FBRSL1: variants seen among roughly 807,000 people sequenced by gnomAD.
The protein encoded by FBRSL1 is fibrosin-1-like protein.
Under a neutral mutation model 89.6 loss-of-function variants are expected in FBRSL1, and 51 were observed. The observed-to-expected ratio is 0.57, with a 90% CI of 0.45 to 0.72. The LOEUF (loss-of-function observed/expected upper bound fraction) is 0.72. FBRSL1 is among the 30% of genes least tolerant of loss of function. The probability of loss-of-function intolerance (pLI) is 0.00; values close to 1 mark genes in which losing one functional copy is unlikely to be tolerated. For synonymous variants in FBRSL1, 779 were observed against 681.1 expected (o/e 1.14, Z -2.24); for missense variants, 1,618 against 1,451.8 (o/e 1.11, Z -1.86).
At chr12:132,540,340 T>C (rs1431066951) in intron 4 of FBRSL1, among the ~76,000 whole-genome samples, 25 of 14,442 alleles carry the variant, frequency 1.7e-3, no homozygotes, top group Non-Finnish European at 2.9e-3. Context: ...CCCCCAGCCC[T>C]CTCTCAGTTG....
intron 4 of FBRSL1, among the ~76,000 whole-genome samples, chr12:132,531,450 G>A (rs117950585): frequency 0.016 from 2,474 of 152,246 alleles, 36 homozygotes; most frequent in South Asian, 0.027. Context: ...TGTCCTGTGT[G>A]CAGCTCGTGT....
At chr12:132,519,714 G>T (rs562747171) in intron 2 of FBRSL1, among the ~76,000 whole-genome samples, 9 of 152,204 alleles carry the variant, frequency 5.9e-5, no homozygotes, top group Non-Finnish European at 1.3e-4. Flanking sequence ...TTCAAGACCA[G>T]TCTGGCCAAG....
At chr12:132,494,918 T>A (rs1045220233) in intron 1 of FBRSL1, among the ~76,000 whole-genome samples, 5 of 152,220 alleles carry the variant, frequency 3.3e-5, no homozygotes, top group Non-Finnish European at 7.3e-5. Flanking sequence ...CCCAAAATGC[T>A]GCTGAACCTG....
In FBRSL1 at chr12:132,569,842, G is replaced by A. The variant is rs912403794; in HGVS notation, c.692-84G>A. 70 of 1,077,040 alleles carry A rather than the reference G, an allele frequency of 6.5e-5. 1 individual carries two copies. The South Asian group carries it at 1.3e-3, about 20-fold the overall frequency. 66.7% of individuals were successfully genotyped at this position (1,077,040 alleles called of 1,614,324 possible). On this transcript the variant is annotated intron_variant, in intron 6 of 18. Coordinates refer to ENST00000680143, the MANE Select transcript of FBRSL1 (RefSeq NM_001367871.1). Reference sequence around the variant, plus strand: ...GGAGCCCAGACATAGCCTGGGCACCGGGCACGTACCAGGGCTCCCTGGGCC... The same window carrying A: ...GGAGCCCAGACATAGCCTGGGCACCAGGCACGTACCAGGGCTCCCTGGGCC...
chr12:132,531,867 G>T (rs1340522935), intron 4 of FBRSL1, among the ~76,000 whole-genome samples: 1 of 152,186 alleles, frequency 6.6e-6, no homozygotes, highest in Non-Finnish European at 1.5e-5. Flanking sequence ...GTGTAATTTT[G>T]TCCACATTGG....
chr12:132,523,157 C>T (rs573385469), intron 2 of FBRSL1, among the ~76,000 whole-genome samples: 3 of 152,184 alleles, frequency 2.0e-5, no homozygotes, highest in South Asian at 4.1e-4. Context: ...CCTCCAGCTC[C>T]TGCTGGGAGT....
At position 132,499,086 on chromosome 12, in the gene FBRSL1, T is replaced by C. The variant is rs1409349543; in HGVS notation, c.291+8225T>C. Reference sequence around the variant, plus strand: ...TCTGCAAGGCCTCCAGGAGCTTGGGTGGCCAGACTGGTCCCTGGGACTGGT... The same window carrying C: ...TCTGCAAGGCCTCCAGGAGCTTGGGCGGCCAGACTGGTCCCTGGGACTGGT... On this transcript the variant is annotated intron_variant, in intron 1 of 18. Coordinates refer to ENST00000680143, the MANE Select transcript of FBRSL1 (RefSeq NM_001367871.1). This position sits in a 1 kb window ranked among gnomAD's most constrained non-coding sequence, Gnocchi z 4.3. Among the ~76,000 whole-genome samples, 1 of 152,238 alleles carries C rather than the reference T, an allele frequency of 6.6e-6. No individual in the cohort carries two copies. Among genetic ancestry groups the C allele is most frequent in the East Asian group, 1.9e-4 (1 of 5,202 alleles).
chr12:132,571,984 C>T (rs975918159), intron 9 of FBRSL1: 18 of 484,260 alleles, frequency 3.7e-5, no homozygotes, highest in Admixed American at 7.6e-5. Context: ...GTGTCCCCAG[C>T]GCGACCCAGC....
At chr12:132,575,237 T>C (rs982234680) in intron 14 of FBRSL1, among the ~76,000 whole-genome samples, 5 of 151,792 alleles carry the variant, frequency 3.3e-5, no homozygotes, top group African/African-American at 1.2e-4. Context: ...TATGTCTTTC[T>C]TTTTTTTTGA....
chr12:132,507,233 G>A (rs1758864522), intron 1 of FBRSL1: 1 of 985,392 alleles, frequency 1.0e-6, no homozygotes, highest in Non-Finnish European at 1.2e-6. Context: ...GGGCTTCACT[G>A]CTGCTGTTTT....
chr12:132,582,990 C>G lies in FBRSL1; in HGVS notation c.2221C>G (p.Arg741Gly). 1 of 1,446,874 alleles carries G rather than the reference C, an allele frequency of 6.9e-7. No homozygotes were observed. The highest frequency in any genetic ancestry group is 9.0e-7 in the Non-Finnish European group (1 of 1,107,738). The allele number at this position is 1,446,874 out of a possible 1,614,324, so 89.6% of individuals were successfully genotyped here. A position where few individuals can be genotyped will look rare whatever the true frequency, so the allele number is the denominator to read the frequency against. ...EQERDLLEKT[R>G]LLSRASPATP... is the part of the protein sequence containing the mutation. ...CCCCAGGGACCTCCTGGAGAAGACG[C>G]GCCTGCTGAGCCGGGCCTCGCCCGC... The change falls in exon 19 of 19, where the codon CGC becomes GGC. Residue 741 changes from arginine to glycine, a missense_variant. By Grantham distance (125) the Arg-to-Gly change is moderately radical. Coordinates refer to ENST00000680143, the MANE Select transcript of FBRSL1 (RefSeq NM_001367871.1).
chr12:132,531,545 G>A (rs2036279914), intron 4 of FBRSL1, among the ~76,000 whole-genome samples: 1 of 134,730 alleles, frequency 7.4e-6, no homozygotes, highest in Non-Finnish European at 1.7e-5. Flanking sequence ...GGGCCTCTGT[G>A]TGTGCGTGTG....
intron 18 of FBRSL1, among the ~76,000 whole-genome samples, chr12:132,582,616 C>T (rs919375359): frequency 4.6e-5 from 7 of 152,040 alleles, no homozygotes; most frequent in Admixed American, 3.3e-4. Context: ...CCCACACCTG[C>T]CATCCGGGAG....
chr12:132,545,610 G>A (rs1265095570), intron 4 of FBRSL1, among the ~76,000 whole-genome samples: 1 of 152,202 alleles, frequency 6.6e-6, no homozygotes, highest in Non-Finnish European at 1.5e-5. Context: ...AACCCACGGG[G>A]AGATCCGTAA....
chr12:132,563,760 CCCTCCGGCTG>C (rs2039346903), intron 5 of FBRSL1, among the ~76,000 whole-genome samples: 1 of 105,922 alleles, frequency 9.4e-6, no homozygotes, highest in African/African-American at 4.4e-5. Flanking sequence ...CCCCCTGCAC[CCCTCCGGCTG>C]ACACATACCT....
In FBRSL1 at chr12:132,575,373, G is replaced by A. The variant is rs140698205; in HGVS notation, c.1701+809G>A. ...CTCCCGAGTAGCTGGGACTACAGGC[G>A]ACCGTCACCACACCCGGCTAATTTT... On this transcript the variant is annotated intron_variant, in intron 14 of 18. Transcript: ENST00000680143. Among the ~76,000 whole-genome samples the A allele has an allele frequency of 1.0e-2, 1,518 of 152,292 alleles. 25 individuals carry two copies. Among genetic ancestry groups the A allele is most frequent in the African/African-American group, 0.034 (1,394 of 41,564 alleles).
chr12:132,581,591 C>T lies in FBRSL1; in HGVS notation c.1912+75C>T, dbSNP rs11146956. 0.02 allele frequency: 30,389 copies of T among 1,520,158 alleles called. 376 individuals are homozygous for T. Among genetic ancestry groups the T allele is most frequent in the Non-Finnish European group, 0.024 (26,487 of 1,121,514 alleles). 94.2% of individuals were successfully genotyped at this position (1,520,158 alleles called of 1,614,324 possible). A position where few individuals can be genotyped will look rare whatever the true frequency, so the allele number is the denominator to read the frequency against. ...CCTTGTGGCGGGGGAATTAGGTGGG[C>T]GGGAAGGTGGCCCCGAGCCCCAGGG... On this transcript the variant is annotated intron_variant, in intron 16 of 18. Transcript: ENST00000680143.
Position 132,499,188 on chromosome 12 carries a change from G to C in FBRSL1, c.291+8327G>C, listed in dbSNP as rs1259151994. ...GCCCAGGTCTTGATGCTGCACAGTG[G>C]AGCCTCCAGGGCCGGCCAGGCAGGG... On this transcript the variant is annotated intron_variant, in intron 1 of 18. Coordinates refer to ENST00000680143, the MANE Select transcript of FBRSL1 (RefSeq NM_001367871.1). This position sits in a 1 kb window ranked among gnomAD's most constrained non-coding sequence, Gnocchi z 4.3. 2.0e-5 allele frequency among the ~76,000 whole-genome samples: 3 copies of C among 152,222 alleles called. No individual in the cohort carries two copies. The highest frequency in any genetic ancestry group is 7.2e-5 in the African/African-American group (3 of 41,464).
At chr12:132,518,636 A>G (rs575917779) in intron 2 of FBRSL1, among the ~76,000 whole-genome samples, 3 of 142,710 alleles carry the variant, frequency 2.1e-5, no homozygotes, top group South Asian at 2.3e-4. Context: ...CCACCCATCT[A>G]CCCATCTGTC....
Sources: allele counts gnomAD v4.1 joint callset (sites outside exome capture counted in the v4.1 genomes callset), GRCh38; gene constraint gnomAD v4.1.1; non-coding constraint Gnocchi (gnomAD v3.1); transcripts MANE v1.5; gene names NCBI Gene and HGNC (gene_info 2026-07-23, HGNC 2026-07-21).